ESPN: variants seen among roughly 807,000 people sequenced by gnomAD.
ESPN encodes the protein autosomal recessive deafness type 36 protein.
In ESPN, 68 loss-of-function variants were observed where a neutral mutation model predicts 77.7. That is an observed-to-expected ratio of 0.87 (90% CI 0.72 to 1.07). The LOEUF (loss-of-function observed/expected upper bound fraction) is 1.07. ESPN is among the 50% of genes least tolerant of loss of function. ESPN has a pLI of 0.00. For synonymous variants in ESPN, 449 were observed against 567.1 expected (o/e 0.79, Z 2.96); for missense variants, 1,060 against 1,239.0 (o/e 0.86, Z 2.17).
At position 6,429,090 on chromosome 1, in the gene ESPN, T is replaced by C. The variant is rs376804299; in HGVS notation, c.488+671T>C. 1.6e-3 allele frequency among the ~76,000 whole-genome samples: 229 copies of C among 144,226 alleles called. 2 individuals are homozygous for C. The highest frequency in any genetic ancestry group is 5.7e-3 in the African/African-American group (220 of 38,724). The allele number at this position is 144,226 out of a possible 152,430, so 94.6% of individuals were successfully genotyped here. ...ACACAGAGCAGGGGGCATGTGTGAGTCTTGGGGAGGGAGGGAGGGAGGGAG... is the reference window on the plus strand; with the variant it reads ...ACACAGAGCAGGGGGCATGTGTGAGCCTTGGGGAGGGAGGGAGGGAGGGAG... On this transcript the variant is annotated intron_variant, in intron 2 of 12. Transcript: ENST00000645284.
chr1:6,444,121 G>A (rs1643741202), intron 5 of ESPN, among the ~76,000 whole-genome samples: 1 of 152,226 alleles, frequency 6.6e-6, no homozygotes, highest in South Asian at 2.1e-4. Flanking sequence ...GGCCTGTGCT[G>A]TGCGCCTCCC....
chr1:6,449,780 G>T (rs113502916), intron 8 of ESPN, among the ~76,000 whole-genome samples: 1 of 152,192 alleles, frequency 6.6e-6, no homozygotes, highest in Admixed American at 6.5e-5. Flanking sequence ...TTCCTGGGCT[G>T]CTTTTCTGTA....
chr1:6,433,076 C>T (rs1268324841), intron 2 of ESPN, among the ~76,000 whole-genome samples: 1 of 150,300 alleles, frequency 6.7e-6, no homozygotes, highest in Admixed American at 6.6e-5. Flanking sequence ...GAGCCAAGAT[C>T]GCACCACTGC....
chr1:6,433,313 G>A (rs1221067641), intron 2 of ESPN, among the ~76,000 whole-genome samples: 1 of 150,228 alleles, frequency 6.7e-6, no homozygotes, highest in African/African-American at 2.5e-5. Flanking sequence ...GCATGGTGGT[G>A]GGTGTCTGTA....
chr1:6,436,494 T>C (rs1445722040), intron 2 of ESPN, among the ~76,000 whole-genome samples: 32 of 151,004 alleles, frequency 2.1e-4, no homozygotes, highest in African/African-American at 6.1e-4. Flanking sequence ...TATTTATTTA[T>C]TTATTTATTT....
At chr1:6,458,596 G>A (rs570981071) in intron 12 of ESPN, among the ~76,000 whole-genome samples, 36 of 151,800 alleles carry the variant, frequency 2.4e-4, no homozygotes, top group East Asian at 1.8e-3. Context: ...GATCACAGGC[G>A]TAAGCCTTCG....
In ESPN at chr1:6,424,913, G is replaced by C; in HGVS notation, c.-43G>C. On this transcript the variant is annotated 5_prime_UTR_variant, in exon 1 of 13. Transcript: ENST00000645284. Reference sequence around the variant, plus strand: ...GCAAGAACACGTGCATGGCGTCCTGGGGAAGGCGCTGAGTGCGGAGTCGCG... The same window carrying C: ...GCAAGAACACGTGCATGGCGTCCTGCGGAAGGCGCTGAGTGCGGAGTCGCG... The C allele has an allele frequency of 7.0e-7, 1 of 1,419,680 alleles. No homozygotes were observed. The highest frequency in any genetic ancestry group is 2.8e-5 in the Admixed American group (1 of 35,940). The allele number at this position is 1,419,680 out of a possible 1,614,324, so 87.9% of individuals were successfully genotyped here.
Position 6,428,853 on chromosome 1 carries a change from A to G in ESPN, c.488+434A>G, listed in dbSNP as rs934074535. Among the ~76,000 whole-genome samples, 1 of 151,856 alleles carries G rather than the reference A, an allele frequency of 6.6e-6. No individual in the cohort carries two copies. Among genetic ancestry groups the G allele is most frequent in the Non-Finnish European group, 1.5e-5 (1 of 67,964 alleles). On this transcript the variant is annotated intron_variant, in intron 2 of 12. Coordinates refer to ENST00000645284, the MANE Select transcript of ESPN (RefSeq NM_031475.3). This position sits in a 1 kb window ranked among gnomAD's most constrained non-coding sequence, Gnocchi z 5.4. ...CCCTAGTCAAACAGGCAGAAAGGGAACCCCATCAGTTACCAAGCAGTTAAG... is the reference window on the plus strand; with the variant it reads ...CCCTAGTCAAACAGGCAGAAAGGGAGCCCCATCAGTTACCAAGCAGTTAAG...
intron 2 of ESPN, among the ~76,000 whole-genome samples, chr1:6,429,117 G>A (rs778696477): frequency 4.9e-4 from 74 of 150,914 alleles, no homozygotes; most frequent in Admixed American, 7.9e-4. Context: ...GGGAGGGAGG[G>A]ACTCAGGTGT....
At chr1:6,436,738 C>T (rs1643452931) in intron 2 of ESPN, among the ~76,000 whole-genome samples, 1 of 152,136 alleles carries the variant, frequency 6.6e-6, no homozygotes, top group Non-Finnish European at 1.5e-5. Context: ...AACTCCTAGG[C>T]TCAGGCAGTC....
chr1:6,425,167 C>T lies in ESPN; in HGVS notation c.212C>T (p.Ala71Val). The T allele has an allele frequency of 6.5e-7, 1 of 1,530,636 alleles. No homozygotes were observed. The highest frequency in any genetic ancestry group is 1.2e-5 in the South Asian group (1 of 83,798). The allele number at this position is 1,530,636 out of a possible 1,614,324, so 94.8% of individuals were successfully genotyped here. The stretch of plus-strand genomic sequence containing the variant: ...GCCGCGGCCCGCGCCCGCAACGGCG[C>T]CACACCGGCCCACGACGCCTCCGCC... ...LPAAARARNG[A>V]TPAHDASATG... Residue 71 changes from alanine (A) to valine (V), a missense_variant, in exon 1 of 13, where the codon GCC (alanine) becomes GTC (valine). By Grantham distance (64) the Ala-to-Val change is moderately conservative (BLOSUM62 0). This residue lies in a region of ESPN where 556 missense variants were observed against 633.6 expected (regional missense o/e 0.88). Coordinates refer to ENST00000645284, the MANE Select transcript of ESPN (RefSeq NM_031475.3).
Position 6,425,192 on chromosome 1 carries a change from C to A in ESPN, c.237C>A (p.Ala79=). ...CCACACCGGCCCACGACGCCTCCGC[C>A]ACCGGCCACCTCGCCTGCCTGCAGT... ...NGATPAHDAS[A]TGHLACLQWL... is the part of the protein sequence containing the mutation. Residue 79 remains alanine (A), a synonymous_variant, in exon 1 of 13, where the codon GCC becomes GCA. Transcript: ENST00000645284. 6.5e-7 allele frequency: 1 copy of A among 1,542,824 alleles called. No homozygotes were observed. The highest frequency in any genetic ancestry group is 2.4e-5 in the East Asian group (1 of 41,274).
intron 10 of ESPN, among the ~76,000 whole-genome samples, chr1:6,452,361 C>G (rs1268933192): frequency 6.6e-6 from 1 of 152,014 alleles, no homozygotes; most frequent in Non-Finnish European, 1.5e-5. Context: ...CCTGCCACCA[C>G]GCCCAGCTAA....
rs1643938634 is a variant in ESPN, at chr1:6,451,277, G to C, written c.1916-326G>C. 2 of 434,534 alleles carry C rather than the reference G, an allele frequency of 4.6e-6. No homozygotes were observed. Among genetic ancestry groups the C allele is most frequent in the Non-Finnish European group, 8.6e-6 (2 of 232,778 alleles). The allele number at this position is 434,534 out of a possible 1,614,324, so 26.9% of individuals were successfully genotyped here. Reference sequence around the variant, plus strand: ...GGTCAGGTGGCTGATTCCAGGTAGTGTTTTGGAGCTGGGCAGTCAGTGGCT... The same window carrying C: ...GGTCAGGTGGCTGATTCCAGGTAGTCTTTTGGAGCTGGGCAGTCAGTGGCT... On this transcript the variant is annotated intron_variant, in intron 8 of 12. Coordinates refer to ENST00000645284, the MANE Select transcript of ESPN (RefSeq NM_031475.3). This position sits in a 1 kb window ranked among gnomAD's most constrained non-coding sequence, Gnocchi z 4.3.
Position 6,424,942 on chromosome 1 carries a change from C to T in ESPN, c.-14C>T. On this transcript the variant is annotated 5_prime_UTR_variant, in exon 1 of 13. Coordinates refer to ENST00000645284, the MANE Select transcript of ESPN (RefSeq NM_031475.3). The stretch of plus-strand genomic sequence containing the variant: ...AGGCGCTGAGTGCGGAGTCGCGGCG[C>T]CGCACGCGGCACCATGGCCCTGGAG... 6.9e-7 allele frequency: 1 copy of T among 1,441,298 alleles called. No individual in the cohort carries two copies. Among genetic ancestry groups the T allele is most frequent in the Non-Finnish European group, 9.1e-7 (1 of 1,100,164 alleles). 89.3% of individuals were successfully genotyped at this position (1,441,298 alleles called of 1,614,324 possible). A position where few individuals can be genotyped will look rare whatever the true frequency, so the allele number is the denominator to read the frequency against.
At position 6,440,289 on chromosome 1, in the gene ESPN, C is replaced by T. The variant is rs766042390; in HGVS notation, c.524C>T (p.Pro175Leu). The part of the protein sequence containing the change: ...VNAQTKNGAT[P>L]LYLACQEGHL... The stretch of plus-strand genomic sequence containing the variant: ...GCCCAAACCAAGAACGGTGCCACGC[C>T]CCTGTACCTGGCGTGCCAGGAGGGC... The change falls in exon 3 of 13, where the codon CCC (proline) becomes CTC (leucine). Residue 175 changes from proline to leucine, a missense_variant. Physicochemically the swap from Pro to Leu is moderately conservative, Grantham distance 98. Transcript: ENST00000645284. The T allele has an allele frequency of 1.2e-5, 19 of 1,552,666 alleles. No individual in the cohort carries two copies. Among genetic ancestry groups the T allele is most frequent in the Non-Finnish European group, 1.7e-6 (2 of 1,148,366 alleles).
rs1451099086 is a variant in ESPN at position 6,427,566 on chromosome 1, A to G, written c.295-660A>G. 1.3e-5 allele frequency among the ~76,000 whole-genome samples: 2 copies of G among 152,158 alleles called. No individual in the cohort carries two copies. Among genetic ancestry groups the G allele is most frequent in the African/African-American group, 4.8e-5 (2 of 41,436 alleles). ...GCTGACTGCCCCGGACCCGCCCACCAGTACCCAGCAACTTCCACCTCCACA... is the reference window on the plus strand; with the variant it reads ...GCTGACTGCCCCGGACCCGCCCACCGGTACCCAGCAACTTCCACCTCCACA... On this transcript the variant is annotated intron_variant, in intron 1 of 12. Coordinates refer to ENST00000645284, the MANE Select transcript of ESPN (RefSeq NM_031475.3). The surrounding 1 kb of genome is among the most constrained non-coding windows in gnomAD (Gnocchi z 4.6).
intron 12 of ESPN, among the ~76,000 whole-genome samples, chr1:6,457,805 T>C (rs1200017098): frequency 2.0e-5 from 3 of 152,164 alleles, no homozygotes; most frequent in Admixed American, 6.5e-5. Context: ...TGGCACAAAA[T>C]ATCAAAAATA....
At position 6,449,040 on chromosome 1, in the gene ESPN, G is replaced by T. The variant is rs1343687825; in HGVS notation, c.1864G>T (p.Glu622Ter). 2 of 1,482,184 alleles carry T rather than the reference G, an allele frequency of 1.3e-6. No homozygotes were observed. Among genetic ancestry groups the T allele is most frequent in the East Asian group, 5.8e-5 (2 of 34,664 alleles). The allele number at this position is 1,482,184 out of a possible 1,614,324, so 91.8% of individuals were successfully genotyped here. Residue 622 changes from glutamate to a stop codon, truncating the protein, a stop_gained, in exon 8 of 13, where the codon GAG becomes TAG. Coordinates refer to ENST00000645284, the MANE Select transcript of ESPN (RefSeq NM_031475.3). LOFTEE classifies it high-confidence loss of function. ...SPPPAPPLPL[E>*]SAGPGCGQRR... is the part of the protein sequence containing the mutation. ...ACCGCCGGCCCCGCCTCTGCCCCTCGAGAGCGCTGGCCCTGGCTGCGGGCA... is the reference window on the plus strand; with the variant it reads ...ACCGCCGGCCCCGCCTCTGCCCCTCTAGAGCGCTGGCCCTGGCTGCGGGCA...
Sources: allele counts gnomAD v4.1 joint callset (sites outside exome capture counted in the v4.1 genomes callset), GRCh38; gene constraint gnomAD v4.1.1; regional missense constraint gnomAD v4.1.1; non-coding constraint Gnocchi (gnomAD v3.1); transcripts MANE v1.5; gene names NCBI Gene and HGNC (gene_info 2026-07-23, HGNC 2026-07-21).